The following PDZD2 variants were observed in gnomAD, a reference collection of about 807,000 sequenced individuals.
PDZD2 encodes PDZ domain-containing protein 2.
In PDZD2, 90 loss-of-function variants were observed where a neutral mutation model predicts 220.7. The observed-to-expected ratio is 0.41, with a 90% confidence interval of 0.34 to 0.49. PDZD2 has a LOEUF of 0.49. PDZD2 is among the 20% of genes least tolerant of loss of function. The probability of loss-of-function intolerance (pLI) is 0.28; values close to 1 mark genes in which losing one functional copy is unlikely to be tolerated. For missense variants in PDZD2, 3,174 were observed against 3,608.5 expected, an observed-to-expected ratio of 0.88 and a Z score of 3.08; for synonymous variants, 1,375 against 1,450.5, an observed-to-expected ratio of 0.95 and a Z score of 1.18.
intron 1 of PDZD2, among the ~76,000 whole-genome samples, chr5:31,653,735 A>C (rs944246879): frequency 6.6e-6 from 1 of 152,142 alleles, no homozygotes; most frequent in Non-Finnish European, 1.5e-5. Context: ...GACACCTACT[A>C]TGTGGTACCC....
intron 15 of PDZD2, among the ~76,000 whole-genome samples, chr5:32,070,853 G>C (rs1276936171): frequency 6.6e-6 from 1 of 152,080 alleles, no homozygotes; most frequent in Non-Finnish European, 1.5e-5. Flanking sequence ...AAAGTAGCCG[G>C]ATGTGGTGGC....
chr5:31,954,704 G>A (rs557789849), intron 2 of PDZD2, among the ~76,000 whole-genome samples: 6 of 152,176 alleles, frequency 3.9e-5, no homozygotes, highest in Admixed American at 1.3e-4. Context: ...CGAGGCAGGC[G>A]GATCACGAGG....
At chr5:31,823,064 CTG>C in intron 2 of PDZD2, 2 of 1,015,550 alleles carry the variant, frequency 2.0e-6, no homozygotes, top group Non-Finnish European at 2.9e-6. Flanking sequence ...TTCACAATAA[CTG>C]TGCATCCCTT....
chr5:31,659,737 G>T (rs758368060), intron 1 of PDZD2, among the ~76,000 whole-genome samples: 2 of 152,218 alleles, frequency 1.3e-5, no homozygotes, highest in Admixed American at 1.3e-4. Context: ...AAGACATACA[G>T]CCCTATGCTG....
chr5:31,804,512 C>T (rs1180089031), intron 2 of PDZD2, among the ~76,000 whole-genome samples: 2 of 152,190 alleles, frequency 1.3e-5, no homozygotes, highest in Admixed American at 1.3e-4. Context: ...GACCACAATT[C>T]CATAAAGGAC....
chr5:31,661,594 C>G (rs1461390682), intron 1 of PDZD2: 1 of 152,174 alleles, frequency 6.6e-6, no homozygotes, highest in African/African-American at 2.4e-5. Flanking sequence ...AACTTATCCT[C>G]TCTTCTCCTC....
intron 2 of PDZD2, among the ~76,000 whole-genome samples, chr5:31,897,078 T>G (rs750430816): frequency 4.7e-4 from 64 of 134,960 alleles, no homozygotes; most frequent in Non-Finnish European, 5.7e-4. Flanking sequence ...ATCTGGTGAG[T>G]TTTTTTTTTT....
intron 1 of PDZD2, among the ~76,000 whole-genome samples, chr5:31,672,536 G>A (rs1033469759): frequency 6.6e-6 from 1 of 152,190 alleles, no homozygotes; most frequent in Non-Finnish European, 1.5e-5. Context: ...CACTTGTCCA[G>A]GGAGAAGCTA....
chr5:31,775,642 G>A (rs139812253), intron 1 of PDZD2, among the ~76,000 whole-genome samples: 455 of 151,012 alleles, frequency 3.0e-3, no homozygotes, highest in African/African-American at 0.011. Context: ...GGAAGAGGGA[G>A]TGGAGAGCTG....
Position 32,048,465 on chromosome 5 carries a change from G to A in PDZD2, c.1520-74G>A, listed in dbSNP as rs1255254447. ...ATGAAGGTGGGTGTAAATACAATGA[G>A]TTTATGCCTCTGGATGTGCTTACGA... On this transcript the variant is annotated intron_variant, in intron 7 of 24. Coordinates refer to ENST00000438447, the MANE Select transcript of PDZD2 (RefSeq NM_178140.4). 7 of 1,295,932 alleles carry A rather than the reference G, an allele frequency of 5.4e-6. No individual in the cohort carries two copies. In the Admixed American group the frequency reaches 1.2e-4, roughly 23 times the overall value. 80.3% of individuals were successfully genotyped at this position (1,295,932 alleles called of 1,614,324 possible).
Position 31,737,321 on chromosome 5 carries a change from C to T in PDZD2, c.-360-61568C>T, listed in dbSNP as rs943149701. 1.8e-4 allele frequency among the ~76,000 whole-genome samples: 28 copies of T among 151,828 alleles called. 1 individual carries two copies. The highest frequency in any genetic ancestry group is 1.4e-3 in the Admixed American group (21 of 15,240). On this transcript the variant is annotated intron_variant, in intron 1 of 24. Transcript: ENST00000438447. The stretch of plus-strand genomic sequence containing the variant: ...CTGAGTAGCTGGGACTACAGGCGCC[C>T]ACCACCACGCCCAGCTAATTTGTTG...
chr5:32,066,053 C>A (rs1581410013), intron 14 of PDZD2, among the ~76,000 whole-genome samples: 1 of 144,432 alleles, frequency 6.9e-6, no homozygotes, highest in African/African-American at 2.6e-5. Flanking sequence ...TCAATCAATC[C>A]AAGTACCAGC....
chr5:31,934,767 C>CT (rs1271721376), intron 2 of PDZD2, among the ~76,000 whole-genome samples: 1 of 151,886 alleles, frequency 6.6e-6, no homozygotes. Flanking sequence ...GGATAAAACT[C>CT]TAAAATAAAT....
intron 1 of PDZD2, among the ~76,000 whole-genome samples, chr5:31,695,077 T>C (rs1211616584): frequency 6.6e-6 from 1 of 151,606 alleles, no homozygotes; most frequent in Non-Finnish European, 1.5e-5. Flanking sequence ...TGAGCCGAGA[T>C]CGCACCACTG....
chr5:31,904,073 C>G (rs184411697), intron 2 of PDZD2, among the ~76,000 whole-genome samples: 58 of 144,438 alleles, frequency 4.0e-4, no homozygotes, highest in African/African-American at 1.5e-3. Flanking sequence ...CAGTGTATTT[C>G]TTTCAACTGT....
At chr5:31,771,863 A>G (rs907897014) in intron 1 of PDZD2, among the ~76,000 whole-genome samples, 2 of 152,038 alleles carry the variant, frequency 1.3e-5, no homozygotes, top group South Asian at 4.2e-4. Context: ...TTAGGCCTCA[A>G]TTTTTTTAAC....
In PDZD2 at chr5:31,975,269, G is replaced by A. The variant is rs570754776; in HGVS notation, c.477-7886G>A. Among the ~76,000 whole-genome samples the A allele has an allele frequency of 1.1e-3, 162 of 152,298 alleles. 1 individual carries two copies. The highest frequency in any genetic ancestry group is 1.8e-3 in the Non-Finnish European group (122 of 68,030). On this transcript the variant is annotated intron_variant, in intron 2 of 24. Coordinates refer to ENST00000438447, the MANE Select transcript of PDZD2 (RefSeq NM_178140.4). The stretch of plus-strand genomic sequence containing the variant: ...AATCATGGTAGAAGGCAAATGAGGA[G>A]CAAAGTCACATCTTACATGGCAGCA...
chr5:31,984,727 C>G (rs74922681), intron 3 of PDZD2, among the ~76,000 whole-genome samples: 2,056 of 152,034 alleles, frequency 0.014, 48 homozygotes, highest in African/African-American at 0.047. Flanking sequence ...TAGCTGGGGG[C>G]CTGAGTGAGA....
Position 32,024,151 on chromosome 5 carries a change from G to A in PDZD2, c.1408-13080G>A, listed in dbSNP as rs1189833771. On this transcript the variant is annotated intron_variant, in intron 6 of 24. Coordinates refer to ENST00000438447, the MANE Select transcript of PDZD2 (RefSeq NM_178140.4). ...GATAAGCCAAAGAGAAGCCATACAG[G>A]GCTTCCTTTTGGTGGAAAGTTTCTT... Among the ~76,000 whole-genome samples the A allele has an allele frequency of 5.3e-5, 8 of 152,266 alleles. No individual in the cohort carries two copies. In the East Asian group the frequency reaches 1.5e-3, roughly 29 times the overall value.
Sources: gnomAD v4.1 joint callset for allele counts (sites outside exome capture counted in the v4.1 genomes callset) on GRCh38, gnomAD v4.1.1 for gene constraint, MANE v1.5 for transcripts, NCBI Gene and HGNC (gene_info 2026-07-23, HGNC 2026-07-21) for gene names.